TAFA2: variants seen among roughly 807,000 people sequenced by gnomAD.
TAFA2 encodes the protein chemokine-like protein TAFA-2.
TAFA2 carries 7 observed loss-of-function variants against 18.8 expected under a neutral mutation model. The observed-to-expected ratio is 0.37, with a 90% CI of 0.21 to 0.70. The LOEUF (loss-of-function observed/expected upper bound fraction) is 0.70, where lower values mean the gene tolerates loss of function less well. Among genes scored for constraint, TAFA2 ranks in the 30% least tolerant of loss-of-function variants. TAFA2 has a pLI of 0.53. For synonymous variants in TAFA2, 60 were observed against 54.2 expected (o/e 1.11, Z -0.47); for missense variants, 122 against 158.1 (o/e 0.77, Z 1.23).
chr12:61,845,369 A>C (rs772382586), intron 2 of TAFA2, among the ~76,000 whole-genome samples: 8 of 152,290 alleles, frequency 5.3e-5, no homozygotes, highest in Middle Eastern at 3.4e-3. Flanking sequence ...AAAAAGGAAA[A>C]GTATACAGAG....
At chr12:62,114,677 C>A (rs540410017) in intron 1 of TAFA2, among the ~76,000 whole-genome samples, 2 of 152,110 alleles carry the variant, frequency 1.3e-5, no homozygotes, top group Non-Finnish European at 2.9e-5. Context: ...TGTCCATATT[C>A]CCATTTTACA....
chr12:61,977,081 T>A (rs1286837790), intron 1 of TAFA2, among the ~76,000 whole-genome samples: 1 of 152,050 alleles, frequency 6.6e-6, no homozygotes, highest in Admixed American at 6.6e-5. Context: ...TAGTTCTAGA[T>A]CCTTGAGGAG....
chr12:62,226,858 C>G (rs1486818736), intron 1 of TAFA2, among the ~76,000 whole-genome samples: 1 of 152,220 alleles, frequency 6.6e-6, no homozygotes, highest in Non-Finnish European at 1.5e-5. Context: ...CCCTGTAACC[C>G]TGCTACTGCT....
chr12:61,791,494 A>G (rs1281567077), intron 2 of TAFA2, among the ~76,000 whole-genome samples: 1 of 151,846 alleles, frequency 6.6e-6, no homozygotes, highest in Non-Finnish European at 1.5e-5. Context: ...GTAAATATCT[A>G]GAATATCTAA....
chr12:62,123,314 C>G (rs917660536), intron 1 of TAFA2, among the ~76,000 whole-genome samples: 1 of 151,946 alleles, frequency 6.6e-6, no homozygotes, highest in African/African-American at 2.4e-5. Context: ...TTCACCTAAA[C>G]TTAAATAATC....
At chr12:61,725,603 G>A (rs2120623723) in intron 4 of TAFA2, among the ~76,000 whole-genome samples, 1 of 152,116 alleles carries the variant, frequency 6.6e-6, no homozygotes, top group East Asian at 1.9e-4. Context: ...TAAGTATTTT[G>A]CTTCATTTCT....
intron 1 of TAFA2, among the ~76,000 whole-genome samples, chr12:62,157,280 TA>T (rs2062376825): frequency 6.6e-6 from 1 of 152,092 alleles, no homozygotes; most frequent in Non-Finnish European, 1.5e-5. Flanking sequence ...TTTTTTTATT[TA>T]AAAAAAGTCA....
At chr12:61,910,166 T>C (rs59821183) in intron 1 of TAFA2, among the ~76,000 whole-genome samples, 356 of 151,368 alleles carry the variant, frequency 2.4e-3, no homozygotes, top group African/African-American at 8.2e-3. Context: ...CTAATCCATC[T>C]AACCTCCCTC....
chr12:62,212,833 T>A (rs1357263663), intron 1 of TAFA2, among the ~76,000 whole-genome samples: 3 of 152,170 alleles, frequency 2.0e-5, no homozygotes, highest in Admixed American at 6.5e-5. Flanking sequence ...AATGATTGCA[T>A]TAATGAGAGC....
At chr12:62,111,404 C>G (rs1019656073) in intron 1 of TAFA2, among the ~76,000 whole-genome samples, 7 of 152,076 alleles carry the variant, frequency 4.6e-5, no homozygotes, top group African/African-American at 1.7e-4. Context: ...GTTTTACTTC[C>G]AAGTATGTGG....
At chr12:62,090,573 G>A (rs934147036) in intron 1 of TAFA2, among the ~76,000 whole-genome samples, 12 of 151,972 alleles carry the variant, frequency 7.9e-5, no homozygotes, top group Non-Finnish European at 1.5e-5. Flanking sequence ...TCAAGAAATC[G>A]TTGGGGACAG....
intron 1 of TAFA2, among the ~76,000 whole-genome samples, chr12:62,016,283 G>A (rs1215269910): frequency 1.3e-5 from 2 of 152,156 alleles, no homozygotes; most frequent in Non-Finnish European, 2.9e-5. Context: ...TGACCAGTGA[G>A]AAACCTCAAG....
intron 1 of TAFA2, among the ~76,000 whole-genome samples, chr12:61,952,597 AC>A: frequency 6.6e-6 from 1 of 152,256 alleles, no homozygotes; most frequent in South Asian, 2.1e-4. Flanking sequence ...AGAACACAGT[AC>A]TTGCACTCTA....
intron 1 of TAFA2, among the ~76,000 whole-genome samples, chr12:61,904,125 T>C (rs1565675551): frequency 6.6e-6 from 1 of 152,184 alleles, no homozygotes; most frequent in South Asian, 2.1e-4. Flanking sequence ...ATTATTAATC[T>C]GATAAACATA....
intron 2 of TAFA2, among the ~76,000 whole-genome samples, chr12:61,862,890 T>A (rs1469620780): frequency 6.6e-6 from 1 of 152,216 alleles, no homozygotes; most frequent in Admixed American, 6.5e-5. Context: ...ATTTATATCA[T>A]AAAACATCCC....
chr12:61,797,821 A>T (rs1871247099), intron 2 of TAFA2, among the ~76,000 whole-genome samples: 1 of 152,222 alleles, frequency 6.6e-6, no homozygotes, highest in African/African-American at 2.4e-5. Flanking sequence ...CTGGTTCCTT[A>T]GATTTGCCAT....
chr12:61,893,301 G>A (rs944207392), intron 1 of TAFA2, among the ~76,000 whole-genome samples: 1 of 152,184 alleles, frequency 6.6e-6, no homozygotes, highest in Non-Finnish European at 1.5e-5. Flanking sequence ...GAAGTGGGAG[G>A]AAAGTAGGAG....
At chr12:62,051,300 G>T (rs1453679831) in intron 1 of TAFA2, among the ~76,000 whole-genome samples, 1 of 152,052 alleles carries the variant, frequency 6.6e-6, no homozygotes, top group African/African-American at 2.4e-5. Flanking sequence ...ACTTCATTCA[G>T]ATCCAGAAAC....
intron 1 of TAFA2, among the ~76,000 whole-genome samples, chr12:61,931,134 A>T (rs2121394211): frequency 6.6e-6 from 1 of 152,266 alleles, no homozygotes; most frequent in Admixed American, 6.5e-5. Flanking sequence ...AAATAATTTT[A>T]GTTTTTCATA....
Sources: allele counts gnomAD v4.1 joint callset (sites outside exome capture counted in the v4.1 genomes callset), GRCh38; gene constraint gnomAD v4.1.1; transcripts MANE v1.5; gene names NCBI Gene and HGNC (gene_info 2026-07-23, HGNC 2026-07-21).